VPS4A: variants seen among roughly 807,000 people sequenced by gnomAD.
VPS4A encodes vacuolar protein sorting 4 homolog A.
Under a neutral mutation model 52.3 loss-of-function variants are expected in VPS4A, and 20 were observed. The ratio of observed to expected loss-of-function variants is 0.38; its 90% CI spans 0.27 to 0.56. The LOEUF (loss-of-function observed/expected upper bound fraction) is 0.56. VPS4A is among the 20% of genes least tolerant of loss of function. The pLI is 0.72. For synonymous variants in VPS4A, 293 were observed against 227.7 expected (o/e 1.29, Z -2.58); for missense variants, 419 against 575.9 (o/e 0.73, Z 2.79).
chr16:69,312,221 T>C (rs1380664915), intron 1 of VPS4A, among the ~76,000 whole-genome samples: 2 of 152,046 alleles, frequency 1.3e-5, no homozygotes, highest in African/African-American at 4.8e-5. Context: ...AGTTTCCTGG[T>C]CTGTAAAATG....
chr16:69,319,328 T>C, intron 5 of VPS4A, 59 bp from the exon 6 acceptor site: 1 of 1,598,884 alleles, frequency 6.3e-7, no homozygotes, highest in Non-Finnish European at 8.5e-7. Flanking sequence ...CGAGACCCTC[T>C]GCTTTTCCTA....
At chr16:69,311,907 C>T (rs1965382299) in intron 1 of VPS4A, among the ~76,000 whole-genome samples, 1 of 152,080 alleles carries the variant, frequency 6.6e-6, no homozygotes, top group Non-Finnish European at 1.5e-5. Context: ...GTCTCGCTCC[C>T]TCCTCTCCTG....
Position 69,320,892 on chromosome 16 carries a change from C to T in VPS4A, c.851+123C>T. On this transcript the variant is annotated intron_variant, in intron 8 of 10. Transcript: ENST00000254950. This position sits in a 1 kb window ranked among gnomAD's most constrained non-coding sequence, Gnocchi z 4.2. ...TCCCTGGAGTCTTCCCGTCTGCCTG[C>T]CAAGCAGAGCCCTTTGTGAGGCTGG... is the stretch of plus-strand genomic sequence containing the variant. 8.1e-7 allele frequency: 1 copy of T among 1,233,616 alleles called. No individual in the cohort carries two copies. Among genetic ancestry groups the T allele is most frequent in the Admixed American group, 2.1e-5 (1 of 47,528 alleles). 76.4% of individuals were successfully genotyped at this position (1,233,616 alleles called of 1,614,324 possible).
At position 69,324,308 on chromosome 16, in the gene VPS4A, A is replaced by G. The variant is rs757582680; in HGVS notation, c.1313A>G (p.Ter438=). The stretch of plus-strand genomic sequence containing the variant: ...TCAGAGGACTTTGGGCAAGAGAGTT[A>G]AAAGCTGCTTCACTTGGGCAATGGT... ...KFSEDFGQES[*] Residue 438 remains the stop codon, a stop_retained_variant, in exon 11 of 11, where the codon TAA becomes TGA. Transcript: ENST00000254950. 15 of 1,613,384 alleles carry G rather than the reference A, an allele frequency of 9.3e-6. No homozygotes were observed. In the East Asian group the frequency reaches 1.6e-4, roughly 17 times the overall value.
At position 69,326,223 on chromosome 16, in the gene VPS4A, G is replaced by A. The variant is rs1237153139; in HGVS notation, c.*1914G>A. Reference sequence around the variant, plus strand: ...CTTGGCTCACACTGGGCTTGCACTGGGCCATTTCTTTGCTCTGGTTCAGAG... The same window carrying A: ...CTTGGCTCACACTGGGCTTGCACTGAGCCATTTCTTTGCTCTGGTTCAGAG... On this transcript the variant is annotated 3_prime_UTR_variant, in exon 11 of 11. Coordinates refer to ENST00000254950, the MANE Select transcript of VPS4A (RefSeq NM_013245.3). The A allele has an allele frequency of 6.6e-6, 1 of 152,182 alleles. No homozygotes were observed. Among genetic ancestry groups the A allele is most frequent in the African/African-American group, 2.4e-5 (1 of 41,420 alleles). The allele number at this position is 152,182 out of a possible 1,614,324, so 9.4% of individuals were successfully genotyped here.
chr16:69,312,709 T>C (rs559548492), intron 1 of VPS4A, among the ~76,000 whole-genome samples: 21 of 152,094 alleles, frequency 1.4e-4, no homozygotes, highest in African/African-American at 5.1e-4. Context: ...GCCTCTCAGG[T>C]TCAAGCGATT....
chr16:69,321,034 T>C lies in VPS4A; in HGVS notation c.852-17T>C, dbSNP rs769616247. 2 of 1,563,014 alleles carry C rather than the reference T, an allele frequency of 1.3e-6. No homozygotes were observed. On this transcript the variant is annotated splice_polypyrimidine_tract_variant and intron_variant, in intron 8 of 10. Coordinates refer to ENST00000254950, the MANE Select transcript of VPS4A (RefSeq NM_013245.3). This position sits in a 1 kb window ranked among gnomAD's most constrained non-coding sequence, Gnocchi z 4.5. The stretch of plus-strand genomic sequence containing the variant: ...CATCATCCGCTGTCAACTCCTGCCG[T>C]GTGCTGGGCTCTCTAGGTTTGAAAA...
Position 69,320,554 on chromosome 16 carries a change from G to T in VPS4A, c.770-134G>T. 2 of 861,932 alleles carry T rather than the reference G, an allele frequency of 2.3e-6. No individual in the cohort carries two copies. Among genetic ancestry groups the T allele is most frequent in the Non-Finnish European group, 3.6e-6 (2 of 553,120 alleles). 53.4% of individuals were successfully genotyped at this position (861,932 alleles called of 1,614,324 possible). A position where few individuals can be genotyped will look rare whatever the true frequency, so the allele number is the denominator to read the frequency against. ...CCAAGATGTGGTTTAATCTCACTTGGGACCCTGCCAGTGGTGGGTGGCACA... is the reference window on the plus strand; with the variant it reads ...CCAAGATGTGGTTTAATCTCACTTGTGACCCTGCCAGTGGTGGGTGGCACA... On this transcript the variant is annotated intron_variant, in intron 7 of 10. Transcript: ENST00000254950. This position sits in a 1 kb window ranked among gnomAD's most constrained non-coding sequence, Gnocchi z 4.2.
chr16:69,313,704 T>A (rs1965403756), intron 1 of VPS4A, among the ~76,000 whole-genome samples: 1 of 152,162 alleles, frequency 6.6e-6, no homozygotes, highest in Non-Finnish European at 1.5e-5. Flanking sequence ...ACAGCTGCTT[T>A]TGTGCCATCA....
chr16:69,324,653 G>C lies in VPS4A; in HGVS notation c.*344G>C, dbSNP rs1597216071. 4.0e-6 allele frequency: 1 copy of C among 248,820 alleles called. No individual in the cohort carries two copies. The highest frequency in any genetic ancestry group is 8.2e-6 in the Non-Finnish European group (1 of 122,288). 15.4% of individuals were successfully genotyped at this position (248,820 alleles called of 1,614,324 possible). On this transcript the variant is annotated 3_prime_UTR_variant, in exon 11 of 11. Transcript: ENST00000254950. ...TTTATAAAGATAAAATCACCTGGAA[G>C]TGTCAAGGAGTGGGGCGGGGTGGCG...
At chr16:69,315,861 T>G in intron 1 of VPS4A, 147 bp from the exon 2 acceptor site, 2 of 655,568 alleles carry the variant, frequency 3.1e-6, no homozygotes, top group Non-Finnish European at 2.6e-6. Context: ...TAGCCGATGT[T>G]GAAAAAGTAG....
chr16:69,313,662 C>G (rs1965403170), intron 1 of VPS4A, among the ~76,000 whole-genome samples: 1 of 152,136 alleles, frequency 6.6e-6, no homozygotes. Flanking sequence ...TTTATTGGAA[C>G]ACATCCCTGT....
rs975104968 is a variant in VPS4A at position 69,318,725 on chromosome 16, G to T, written c.343+14G>T. Reference sequence around the variant, plus strand: ...AACAGCTGATGGGTAAGTGGCTCGCGGCCCTGTGGCAGCGGCAGGGGATGA... The same window carrying T: ...AACAGCTGATGGGTAAGTGGCTCGCTGCCCTGTGGCAGCGGCAGGGGATGA... On this transcript the variant is annotated intron_variant, in intron 4 of 10. Transcript: ENST00000254950. 6.2e-7 allele frequency: 1 copy of T among 1,613,576 alleles called. No individual in the cohort carries two copies. The highest frequency in any genetic ancestry group is 1.7e-5 in the Admixed American group (1 of 59,996).
chr16:69,320,138 C>A lies in VPS4A; in HGVS notation c.621-3C>A, dbSNP rs1389595390. 1 of 1,612,018 alleles carries A rather than the reference C, an allele frequency of 6.2e-7. No individual in the cohort carries two copies. Among genetic ancestry groups the A allele is most frequent in the Admixed American group, 1.7e-5 (1 of 59,938 alleles). On this transcript the variant is annotated splice_region_variant and splice_polypyrimidine_tract_variant and intron_variant, in intron 6 of 10. Coordinates refer to ENST00000254950, the MANE Select transcript of VPS4A (RefSeq NM_013245.3). The surrounding 1 kb of genome is among the most constrained non-coding windows in gnomAD (Gnocchi z 4.2). ...GTCCTCACCCCCTTTCTCACCTTCACAGGCTGGTCAAGAACCTGTTTGAGC... is the reference window on the plus strand; with the variant it reads ...GTCCTCACCCCCTTTCTCACCTTCAAAGGCTGGTCAAGAACCTGTTTGAGC...
intron 1 of VPS4A, among the ~76,000 whole-genome samples, chr16:69,313,405 A>G (rs1965400777): frequency 1.3e-5 from 2 of 150,590 alleles, no homozygotes; most frequent in African/African-American, 4.9e-5. Flanking sequence ...CTCACCCACA[A>G]CCCCTCTCTC....
Position 69,319,678 on chromosome 16 carries a change from G to C in VPS4A, c.620+135G>C, listed in dbSNP as rs1297625252. On this transcript the variant is annotated intron_variant, in intron 6 of 10. Coordinates refer to ENST00000254950, the MANE Select transcript of VPS4A (RefSeq NM_013245.3). Reference sequence around the variant, plus strand: ...GGTACCCAAGAGCAGTGTGTCGCTAGCTTATCGGCTGGGACACAGTCCCAA... The same window carrying C: ...GGTACCCAAGAGCAGTGTGTCGCTACCTTATCGGCTGGGACACAGTCCCAA... 1.8e-5 allele frequency: 22 copies of C among 1,218,458 alleles called. 1 individual carries two copies. The East Asian group carries it at 5.1e-4, about 28-fold the overall frequency. The allele number at this position is 1,218,458 out of a possible 1,614,324, so 75.5% of individuals were successfully genotyped here.
chr16:69,323,878 A>T (rs528420325), intron 10 of VPS4A, among the ~76,000 whole-genome samples: 4 of 130,940 alleles, frequency 3.1e-5, no homozygotes, highest in East Asian at 2.5e-4. Context: ...TGAACCGAGG[A>T]GGTGGAGGTT....
rs529489461 is a variant in VPS4A at position 69,324,677 on chromosome 16, C to T, written c.*368C>T. 15 of 211,580 alleles carry T rather than the reference C, an allele frequency of 7.1e-5. No homozygotes were observed. The highest frequency in any genetic ancestry group is 2.2e-4 in the East Asian group (2 of 9,172). The allele number at this position is 211,580 out of a possible 1,614,324, so 13.1% of individuals were successfully genotyped here. A position where few individuals can be genotyped will look rare whatever the true frequency, so the allele number is the denominator to read the frequency against. On this transcript the variant is annotated 3_prime_UTR_variant, in exon 11 of 11. Transcript: ENST00000254950. ...AGTGTCAAGGAGTGGGGCGGGGTGG[C>T]GGGGGAGAAGCAGCCGTGCTGCCAG...
chr16:69,323,766 A>C, intron 10 of VPS4A: 2 of 422,346 alleles, frequency 4.7e-6, no homozygotes, highest in Non-Finnish European at 9.4e-6. Context: ...CCTGGCCAAC[A>C]TAGTGAAACC....
Sources: gnomAD v4.1 joint callset for allele counts (sites outside exome capture counted in the v4.1 genomes callset) on GRCh38, gnomAD v4.1.1 for gene constraint, Gnocchi (gnomAD v3.1) non-coding constraint, MANE v1.5 for transcripts, NCBI Gene and HGNC (gene_info 2026-07-23, HGNC 2026-07-21) for gene names.